The following EFS variants were observed in gnomAD, a reference collection of about 807,000 sequenced individuals.
EFS encodes embryonal Fyn-associated substrate.
EFS carries 34 observed loss-of-function variants against 42.2 expected under a neutral mutation model. That is an observed-to-expected ratio of 0.81 (90% CI 0.61 to 1.07). The LOEUF is 1.07. EFS is among the 50% of genes least tolerant of loss of function. The probability of loss-of-function intolerance (pLI) is 0.00; values close to 1 mark genes in which losing one functional copy is unlikely to be tolerated. For missense variants in EFS, 717 were observed against 729.4 expected (o/e 0.98, Z 0.20); for synonymous variants, 299 against 320.7 (o/e 0.93, Z 0.72).
chr14:23,357,356 A>G lies in EFS; in HGVS notation c.1556T>C (p.Val519Ala). Residue 519 changes from valine to alanine, a missense_variant, in exon 6 of 6, where the codon GTG (valine) becomes GCG (alanine). Coordinates refer to ENST00000216733, the MANE Select transcript of EFS (RefSeq NM_005864.4). ...CAGGGCAGCTCCCTTGACAGCCAGC[A>G]CAGTGGCCCGCAATGCCTGGCCCAG... Reference protein sequence around the residue: ...TALGQALRATVLAVKGAALGY... With the variant: ...TALGQALRATALAVKGAALGY... 2.5e-6 allele frequency: 4 copies of G among 1,611,422 alleles called. No individual in the cohort carries two copies. Among genetic ancestry groups the G allele is most frequent in the Non-Finnish European group, 3.4e-6 (4 of 1,178,058 alleles).
At chr14:23,361,707 T>G (rs1890160176) in intron 1 of EFS, among the ~76,000 whole-genome samples, 1 of 152,174 alleles carries the variant, frequency 6.6e-6, no homozygotes, top group African/African-American at 2.4e-5. Flanking sequence ...GCTTATAAGC[T>G]TTTTCCATCA....
intron 1 of EFS, among the ~76,000 whole-genome samples, chr14:23,364,049 G>C (rs1890240242): frequency 6.6e-6 from 1 of 152,152 alleles, no homozygotes; most frequent in Non-Finnish European, 1.5e-5. Flanking sequence ...CTCTCTCCGA[G>C]AGTCCCCACT....
At position 23,360,043 on chromosome 14, in the gene EFS, C is replaced by A; in HGVS notation, c.439-4G>T. 6.2e-7 allele frequency: 1 copy of A among 1,613,338 alleles called. No individual in the cohort carries two copies. Among genetic ancestry groups the A allele is most frequent in the Non-Finnish European group, 8.5e-7 (1 of 1,179,780 alleles). On this transcript the variant is annotated splice_polypyrimidine_tract_variant and splice_region_variant and intron_variant, in intron 3 of 5. Transcript: ENST00000216733. ...CGGTGGGGGGCACATCGTAGACCTG[C>A]GGAAAGGAGTGGTCAGTCATCTGTC...
chr14:23,358,688 A>T (rs1225269574), intron 5 of EFS, among the ~76,000 whole-genome samples, 188 bp downstream of exon 5: 1 of 152,176 alleles, frequency 6.6e-6, no homozygotes, highest in Non-Finnish European at 1.5e-5. Context: ...TGAATTCCTA[A>T]CATCCTCTTC....
Position 23,360,853 on chromosome 14 carries a change from T to A in EFS, c.19-20A>T, listed in dbSNP as rs777393805. On this transcript the variant is annotated intron_variant, in intron 1 of 5. Transcript: ENST00000216733. Reference sequence around the variant, plus strand: ...CTGGGTCTGGTTGGGGAGGTGGGAGTGGGGAGAAGGGTCTTCAGACCCCTT... The same window carrying A: ...CTGGGTCTGGTTGGGGAGGTGGGAGAGGGGAGAAGGGTCTTCAGACCCCTT... 4 of 1,598,872 alleles carry A rather than the reference T, an allele frequency of 2.5e-6. No homozygotes were observed. The South Asian group carries it at 4.5e-5, about 18-fold the overall frequency.
Position 23,365,016 on chromosome 14 carries a change from C to T in EFS, c.10G>A (p.Ala4Thr), listed in dbSNP as rs866906315. The change falls in exon 1 of 6, where the codon GCC becomes ACC. Residue 4 changes from alanine to threonine, a missense_variant. Ala to Thr is a moderately conservative substitution (Grantham distance 58, BLOSUM62 0). Coordinates refer to ENST00000216733, the MANE Select transcript of EFS (RefSeq NM_005864.4). This position sits in a 1 kb window ranked among gnomAD's most constrained non-coding sequence, Gnocchi z 5.3. ...CTCCCTGGTGGACTCACCGACGTGG[C>T]AATGGCCATGGCTTTGGCCTCCCGC... is the stretch of plus-strand genomic sequence containing the variant. Reference protein sequence around the residue: MAIATSTQLARALY... With the variant: MAITTSTQLARALY... 1.5e-6 allele frequency: 2 copies of T among 1,342,156 alleles called. No individual in the cohort carries two copies. Among genetic ancestry groups the T allele is most frequent in the Non-Finnish European group, 1.9e-6 (2 of 1,036,018 alleles). The allele number at this position is 1,342,156 out of a possible 1,614,324, so 83.1% of individuals were successfully genotyped here. A position where few individuals can be genotyped will look rare whatever the true frequency, so the allele number is the denominator to read the frequency against.
chr14:23,364,656 C>T (rs1890260891), intron 1 of EFS, among the ~76,000 whole-genome samples: 1 of 152,106 alleles, frequency 6.6e-6, no homozygotes, highest in African/African-American at 2.4e-5. Flanking sequence ...TTTTACTTGC[C>T]TCCCAACCAC....
chr14:23,357,735 C>T, intron 5 of EFS, 75 bp from the exon 6 acceptor site: 1 of 1,296,600 alleles, frequency 7.7e-7, no homozygotes, highest in South Asian at 1.7e-5. Context: ...TTTCTCCTTC[C>T]TCTCTTTCTT....
rs1889946730 is a variant in EFS, at chr14:23,357,262, C to T, written c.1650G>A (p.Leu550=). 3 of 1,576,636 alleles carry T rather than the reference C, an allele frequency of 1.9e-6. No homozygotes were observed. The highest frequency in any genetic ancestry group is 2.6e-6 in the Non-Finnish European group (3 of 1,154,748). ...GGCTAGTGAGCAGGGTAGTGAATTG[C>T]AGGGCCTGCCCTGCCAGTTCTGTTA... is the stretch of plus-strand genomic sequence containing the variant. ...QCVTELAGQA[L]QFTTLLTSLA... is the part of the protein sequence containing the mutation. Residue 550 remains leucine, a synonymous_variant, in exon 6 of 6, where the codon CTG becomes CTA. Coordinates refer to ENST00000216733, the MANE Select transcript of EFS (RefSeq NM_005864.4).
chr14:23,358,820 G>T, intron 5 of EFS, 56 bp downstream of exon 5: 1 of 1,478,984 alleles, frequency 6.8e-7, no homozygotes, highest in Non-Finnish European at 9.2e-7. Flanking sequence ...CTTCTCCCAA[G>T]TCCCCATTCC....
At chr14:23,364,960 G>T in intron 1 of EFS, 48 bp downstream of exon 1, 1 of 1,264,326 alleles carries the variant, frequency 7.9e-7, no homozygotes, top group East Asian at 3.0e-5. Flanking sequence ...GCGCAGGGCA[G>T]GCCGTGGAGG....
At chr14:23,361,944 T>G (rs770010083) in intron 1 of EFS, among the ~76,000 whole-genome samples, 3 of 152,254 alleles carry the variant, frequency 2.0e-5, no homozygotes, top group Non-Finnish European at 4.4e-5. Flanking sequence ...ATCTGAACCC[T>G]AAGCTGCTTG....
intron 1 of EFS, 66 bp from the exon 2 acceptor site, chr14:23,360,899 T>C: frequency 4.8e-6 from 7 of 1,472,442 alleles, no homozygotes; most frequent in Non-Finnish European, 6.3e-6. Context: ...TCACCCCTGC[T>C]TAGAACCCTT....
rs1169819556 is a variant in EFS at position 23,359,401 on chromosome 14, C to T, written c.1077G>A (p.Arg359=). ...GPKVEGDPEG[R]EMEDDPAGHH... is the part of the protein sequence containing the mutation. Reference sequence around the variant, plus strand: ...GTCCTGCTGGGTCATCCTCCATCTCCCTGCCCTCTGGATCCCCCTCGACCT... The same window carrying T: ...GTCCTGCTGGGTCATCCTCCATCTCTCTGCCCTCTGGATCCCCCTCGACCT... Residue 359 remains arginine (R), a synonymous_variant, in exon 4 of 6, where the codon AGG becomes AGA. Coordinates refer to ENST00000216733, the MANE Select transcript of EFS (RefSeq NM_005864.4). 6.2e-7 allele frequency: 1 copy of T among 1,612,670 alleles called. No individual in the cohort carries two copies. Among genetic ancestry groups the T allele is most frequent in the South Asian group, 1.1e-5 (1 of 91,058 alleles).
intron 5 of EFS, among the ~76,000 whole-genome samples, 183 bp from the exon 6 acceptor site, chr14:23,357,843 T>C (rs1307935254): frequency 1.3e-5 from 2 of 152,220 alleles, no homozygotes; most frequent in Admixed American, 6.5e-5. Flanking sequence ...ATCAGATAGA[T>C]CTGGATTCAA....
In EFS at chr14:23,357,150, A is replaced by G; in HGVS notation, c.*76T>C. 7.1e-7 allele frequency: 1 copy of G among 1,405,734 alleles called. No individual in the cohort carries two copies. Among genetic ancestry groups the G allele is most frequent in the East Asian group, 2.4e-5 (1 of 41,788 alleles). The allele number at this position is 1,405,734 out of a possible 1,614,324, so 87.1% of individuals were successfully genotyped here. On this transcript the variant is annotated 3_prime_UTR_variant, in exon 6 of 6. Coordinates refer to ENST00000216733, the MANE Select transcript of EFS (RefSeq NM_005864.4). The stretch of plus-strand genomic sequence containing the variant: ...CCCCCATTTCTCCTAGTCCCTTAAC[A>G]AAGCCTTCCAGCCACCCAAGGCCTA...
rs759211217 is a variant in EFS, at chr14:23,359,804, C to T, written c.674G>A (p.Arg225Gln). 35 of 1,523,836 alleles carry T rather than the reference C, an allele frequency of 2.3e-5. No individual in the cohort carries two copies. Among genetic ancestry groups the T allele is most frequent in the Non-Finnish European group, 2.9e-5 (33 of 1,138,276 alleles). 94.4% of individuals were successfully genotyped at this position (1,523,836 alleles called of 1,614,324 possible). Reference sequence around the variant, plus strand: ...ATACAAATTGAGTAAGGCTGACGCTCGTTTCAGGTTGGAGGGGGCAGCATA... The same window carrying T: ...ATACAAATTGAGTAAGGCTGACGCTTGTTTCAGGTTGGAGGGGGCAGCATA... ...PIYAAPSNLK[R>Q]ASALLNLYEA... Residue 225 changes from arginine to glutamine, a missense_variant, in exon 4 of 6, where the codon CGA becomes CAA. Arg to Gln is a conservative substitution (Grantham distance 43). Coordinates refer to ENST00000216733, the MANE Select transcript of EFS (RefSeq NM_005864.4).
intron 1 of EFS, among the ~76,000 whole-genome samples, chr14:23,362,033 G>A (rs1366775997): frequency 6.6e-6 from 1 of 152,200 alleles, no homozygotes; most frequent in Non-Finnish European, 1.5e-5. Context: ...TTAAAAGAAA[G>A]AGTAGTAACA....
chr14:23,360,887 C>A, intron 1 of EFS, 54 bp from the exon 2 acceptor site: 1 of 1,537,176 alleles, frequency 6.5e-7, no homozygotes, highest in Non-Finnish European at 8.8e-7. Context: ...TTTCAGGTCA[C>A]GTCACCCCTG....
Sources: gnomAD v4.1 joint callset for allele counts (sites outside exome capture counted in the v4.1 genomes callset) on GRCh38, gnomAD v4.1.1 for gene constraint, Gnocchi (gnomAD v3.1) non-coding constraint, MANE v1.5 for transcripts, NCBI Gene and HGNC (gene_info 2026-07-23, HGNC 2026-07-21) for gene names.